STAM2: variants seen among roughly 807,000 people sequenced by gnomAD.
STAM2 encodes signal transducing adapter molecule 2.
A neutral mutation model predicts 65.6 loss-of-function variants in STAM2; 51 were observed. That is an observed-to-expected ratio of 0.78 (90% CI 0.62 to 0.98). The LOEUF (loss-of-function observed/expected upper bound fraction) is 0.98. Ranked by LOEUF, STAM2 falls within the 50% of genes least tolerant of loss-of-function variation. The pLI, the probability that STAM2 is intolerant of heterozygous loss-of-function variation, is 0.00. For synonymous variants in STAM2, 198 were observed against 208.4 expected (o/e 0.95, Z 0.43); for missense variants, 584 against 617.8 (o/e 0.95, Z 0.58).
At chr2:152,175,455 CCAA>C in intron 1 of STAM2, 145 bp downstream of exon 1, 1 of 1,060,084 alleles carries the variant, frequency 9.4e-7, no homozygotes, top group Non-Finnish European at 1.4e-6. Flanking sequence ...CAGAAAAATC[CCAA>C]CGTCGAAGGA....
At chr2:152,126,192 T>C in intron 12 of STAM2, 34 bp downstream of exon 12, 1 of 1,534,716 alleles carries the variant, frequency 6.5e-7, no homozygotes, top group African/African-American at 1.4e-5. Context: ...AAGTTGTTTA[T>C]AATTTAGAAA....
rs1189066966 is a variant in STAM2 at position 152,126,755 on chromosome 2, G to GA, written c.1026-377dup. On this transcript the variant is annotated intron_variant, in intron 11 of 13. Coordinates refer to ENST00000263904, the MANE Select transcript of STAM2 (RefSeq NM_005843.6). ...GCAGCAGATGGGAAATTGGGTGTCC[G>GA]AAAAAAATCAGACTGATTACAGGTC... Among the ~76,000 whole-genome samples, 27 of 152,194 alleles carry GA rather than the reference G, an allele frequency of 1.8e-4. No individual in the cohort carries two copies. In the East Asian group the frequency reaches 5.0e-3, roughly 28 times the overall value.
chr2:152,135,021 G>C (rs1689129324), intron 8 of STAM2, among the ~76,000 whole-genome samples: 1 of 152,156 alleles, frequency 6.6e-6, no homozygotes, highest in Admixed American at 6.5e-5. Flanking sequence ...TTACTTTGTT[G>C]TTATTGTTTC....
At chr2:152,149,997 A>T (rs1319549680) in intron 2 of STAM2, 148 bp downstream of exon 2, 1 of 612,782 alleles carries the variant, frequency 1.6e-6, no homozygotes, top group Non-Finnish European at 2.9e-6. Context: ...AAGAAAACCT[A>T]TGTATAAGTG....
chr2:152,159,103 A>ATC (rs1406013679), intron 1 of STAM2, among the ~76,000 whole-genome samples: 8 of 138,084 alleles, frequency 5.8e-5, no homozygotes, highest in Non-Finnish European at 9.1e-5. Flanking sequence ...CCATATATAT[A>ATC]TATATATACA....
At position 152,123,791 on chromosome 2, in the gene STAM2, G is replaced by C; in HGVS notation, c.1324C>G (p.Gln442Glu). ...CTTAAATATGAAGTTTGAGCAGGCT[G>C]TGCTGTCACTGAGGAATTCACATTT... ...PPNVNSSVTA[Q>E]PAQTSYLSTG... is the part of the protein sequence containing the mutation. The change falls in exon 13 of 14, where the codon CAG becomes GAG. Residue 442 changes from glutamine to glutamate, a missense_variant. By Grantham distance (29) the Gln-to-Glu change is conservative. Transcript: ENST00000263904. 1.9e-6 allele frequency: 3 copies of C among 1,614,120 alleles called. No individual in the cohort carries two copies. Among genetic ancestry groups the C allele is most frequent in the Non-Finnish European group, 2.5e-6 (3 of 1,180,012 alleles).
intron 1 of STAM2, among the ~76,000 whole-genome samples, chr2:152,156,329 T>G (rs1329453072): frequency 2.6e-5 from 4 of 152,166 alleles, no homozygotes; most frequent in African/African-American, 4.8e-5. Flanking sequence ...AAGGACTTTG[T>G]TTTTCAAGGG....
At chr2:152,168,239 C>A (rs528853452) in intron 1 of STAM2, among the ~76,000 whole-genome samples, 8 of 152,044 alleles carry the variant, frequency 5.3e-5, no homozygotes, top group Admixed American at 2.6e-4. Context: ...TGGCTCACTG[C>A]AACCTCTGCC....
chr2:152,142,474 C>T (rs1689266074), intron 7 of STAM2, among the ~76,000 whole-genome samples: 1 of 152,186 alleles, frequency 6.6e-6, no homozygotes, highest in Non-Finnish European at 1.5e-5. Context: ...CCTGACATTT[C>T]AGACTGTCAG....
intron 1 of STAM2, among the ~76,000 whole-genome samples, chr2:152,163,079 C>T (rs1026666946): frequency 6.6e-6 from 1 of 152,144 alleles, no homozygotes; most frequent in Non-Finnish European, 1.5e-5. Flanking sequence ...TATTAAACTG[C>T]CTCTTGAGAG....
At chr2:152,126,700 C>A (rs1579311356) in intron 11 of STAM2, among the ~76,000 whole-genome samples, 2 of 144,024 alleles carry the variant, frequency 1.4e-5, no homozygotes, top group Admixed American at 1.5e-4. Flanking sequence ...CCAGAGGCTA[C>A]TTCCTTTGCA....
At chr2:152,159,211 TGGGA>T (rs1689613182) in intron 1 of STAM2, among the ~76,000 whole-genome samples, 1 of 149,868 alleles carries the variant, frequency 6.7e-6, no homozygotes, top group Admixed American at 6.6e-5. Flanking sequence ...GAGGCTGGGG[TGGGA>T]GGATTCCTTG....
intron 1 of STAM2, among the ~76,000 whole-genome samples, chr2:152,156,992 G>C (rs1356287623): frequency 6.6e-6 from 1 of 152,172 alleles, no homozygotes; most frequent in Non-Finnish European, 1.5e-5. Context: ...ATAGCAGGCA[G>C]AGCAGGTCCC....
At chr2:152,164,961 T>TA (rs1309434827) in intron 1 of STAM2, among the ~76,000 whole-genome samples, 1 of 152,188 alleles carries the variant, frequency 6.6e-6, no homozygotes, top group Non-Finnish European at 1.5e-5. Context: ...ATACCCTCTG[T>TA]AATCCTGTTA....
At chr2:152,149,601 G>A (rs529025025) in intron 2 of STAM2, among the ~76,000 whole-genome samples, 47 of 151,128 alleles carry the variant, frequency 3.1e-4, no homozygotes, top group African/African-American at 6.8e-4. Flanking sequence ...GGGTTCAAGC[G>A]ATTTTCCTGT....
At chr2:152,172,872 A>G (rs1157577710) in intron 1 of STAM2, among the ~76,000 whole-genome samples, 1 of 151,910 alleles carries the variant, frequency 6.6e-6, no homozygotes, top group African/African-American at 2.4e-5. Flanking sequence ...CAAAAAAAAA[A>G]AAAAAGAAAA....
chr2:152,140,494 G>C (rs928485423), intron 7 of STAM2, among the ~76,000 whole-genome samples: 1 of 152,222 alleles, frequency 6.6e-6, no homozygotes, highest in Non-Finnish European at 1.5e-5. Flanking sequence ...ACTGAAGGTA[G>C]TGATGTCCTT....
Position 152,150,061 on chromosome 2 carries a change from AT to A in STAM2, c.125+83del. 3 of 916,224 alleles carry A rather than the reference AT, an allele frequency of 3.3e-6. No homozygotes were observed. In the East Asian group the frequency reaches 7.6e-5, roughly 23 times the overall value. The allele number at this position is 916,224 out of a possible 1,614,324, so 56.8% of individuals were successfully genotyped here. A position where few individuals can be genotyped will look rare whatever the true frequency, so the allele number is the denominator to read the frequency against. Reference sequence around the variant, plus strand: ...CAAGGGTCAACTGTGATAAAGTCTCATTTTCCTCTCAAAGTTACATCACAAA... The same window carrying A: ...CAAGGGTCAACTGTGATAAAGTCTCATTTCCTCTCAAAGTTACATCACAAA... On this transcript the variant is annotated intron_variant, in intron 2 of 13. Coordinates refer to ENST00000263904, the MANE Select transcript of STAM2 (RefSeq NM_005843.6).
At position 152,147,229 on chromosome 2, in the gene STAM2, C is replaced by T. The variant is rs1172384125; in HGVS notation, c.380G>A (p.Ser127Asn). Residue 127 changes from serine (S) to asparagine (N), a missense_variant, in exon 5 of 14, where the codon AGT becomes AAT. By Grantham distance (46) the Ser-to-Asn change is conservative. Transcript: ENST00000263904. Reference sequence around the variant, plus strand: ...AGATTTAATAGTTGCAGATATCAGACTAAACTGAGGGTCCTTCTGAAATTC... The same window carrying T: ...AGATTTAATAGTTGCAGATATCAGATTAAACTGAGGGTCCTTCTGAAATTC... ...SEEFQKDPQF[S>N]LISATIKSMK... The T allele has an allele frequency of 2.5e-6, 4 of 1,612,138 alleles. No homozygotes were observed. Among genetic ancestry groups the T allele is most frequent in the Non-Finnish European group, 3.4e-6 (4 of 1,179,266 alleles).
Sources: allele counts gnomAD v4.1 joint callset (sites outside exome capture counted in the v4.1 genomes callset), GRCh38; gene constraint gnomAD v4.1.1; transcripts MANE v1.5; gene names NCBI Gene and HGNC (gene_info 2026-07-23, HGNC 2026-07-21).